Variants in REDIC1 observed in about 807,000 individuals in gnomAD.
The protein encoded by REDIC1 is regulator of DNA class I crossover intermediates 1, also known as HEI10 Interacting Protein 1.
chr12:39,670,665 C>T, the REDIC1 span, among the ~76,000 whole-genome samples: 3 of 151,742 alleles, frequency 2.0e-5, no homozygotes, highest in South Asian at 6.2e-4. Context: ...CTTTTCTTCA[C>T]CTTTCGGGAT....
At chr12:39,700,194 A>T in the REDIC1 span, among the ~76,000 whole-genome samples, 1 of 152,202 alleles carries the variant, frequency 6.6e-6, no homozygotes, top group African/African-American at 2.4e-5. Flanking sequence ...ACTTTGAAAA[A>T]AAACTTAGAA....
At chr12:39,904,729 C>G in the REDIC1 span, among the ~76,000 whole-genome samples, 1 of 152,132 alleles carries the variant, frequency 6.6e-6, no homozygotes, top group Non-Finnish European at 1.5e-5. Flanking sequence ...AACTAGACTA[C>G]AAGCCACAGG....
the REDIC1 span, among the ~76,000 whole-genome samples, chr12:39,901,992 C>G: frequency 6.6e-6 from 1 of 151,998 alleles, no homozygotes; most frequent in Non-Finnish European, 1.5e-5. Flanking sequence ...CACATATACA[C>G]CATGGAATAC....
the REDIC1 span, chr12:39,646,748 T>C: frequency 1.2e-6 from 1 of 820,712 alleles, no homozygotes; most frequent in East Asian, 2.8e-5. Flanking sequence ...TTCTATATGT[T>C]TTGTGTAGAA....
chr12:39,841,868 G>A, the REDIC1 span, among the ~76,000 whole-genome samples: 7 of 152,084 alleles, frequency 4.6e-5, no homozygotes, highest in South Asian at 1.5e-3. Context: ...CAAGTAAGTC[G>A]ACTAGTATTT....
chr12:39,703,565 A>G, the REDIC1 span, among the ~76,000 whole-genome samples: 1 of 152,098 alleles, frequency 6.6e-6, no homozygotes, highest in South Asian at 2.1e-4. Flanking sequence ...GACTTTCTTC[A>G]CAGAATTGGA....
At chr12:39,850,866 T>C in the REDIC1 span, among the ~76,000 whole-genome samples, 1 of 152,062 alleles carries the variant, frequency 6.6e-6, no homozygotes, top group Non-Finnish European at 1.5e-5. Context: ...AAATGAAATA[T>C]CAGGAAGAGC....
the REDIC1 span, among the ~76,000 whole-genome samples, chr12:39,747,214 T>C: frequency 1.3e-5 from 2 of 152,136 alleles, no homozygotes; most frequent in African/African-American, 4.8e-5. Flanking sequence ...GAATAACCAG[T>C]GTAGAGAAGT....
At chr12:39,705,800 G>A in the REDIC1 span, among the ~76,000 whole-genome samples, 1 of 151,818 alleles carries the variant, frequency 6.6e-6, no homozygotes, top group Non-Finnish European at 1.5e-5. Context: ...GAATATAGAA[G>A]GAACATAACT....
At chr12:39,647,850 G>A in the REDIC1 span, 2 of 1,607,182 alleles carry the variant, frequency 1.2e-6, no homozygotes, top group African/African-American at 1.3e-5. Flanking sequence ...ATAGAGAACT[G>A]CAGTTTCACT....
chr12:39,626,770 C>T, the REDIC1 span, among the ~76,000 whole-genome samples: 3 of 152,166 alleles, frequency 2.0e-5, no homozygotes, highest in African/African-American at 7.2e-5. Context: ...AATTGTGAAA[C>T]AGCCCAGTCC....
the REDIC1 span, among the ~76,000 whole-genome samples, chr12:39,696,410 G>T: frequency 2.0e-5 from 3 of 149,588 alleles, no homozygotes; most frequent in Admixed American, 6.6e-5. Context: ...GGGCGTAGTG[G>T]CGGGCGCCTG....
the REDIC1 span, chr12:39,871,759 AATAAAGTTT>A: frequency 6.4e-7 from 1 of 1,552,532 alleles, no homozygotes. Flanking sequence ...GTTATTAGGA[AATAAAGTTT>A]ATAATTGAAT....
the REDIC1 span, among the ~76,000 whole-genome samples, chr12:39,841,252 G>C: frequency 6.6e-6 from 1 of 152,114 alleles, no homozygotes; most frequent in Non-Finnish European, 1.5e-5. Flanking sequence ...CTAGTAGCCA[G>C]AATGGTTTTT....
the REDIC1 span, among the ~76,000 whole-genome samples, chr12:39,710,474 A>G: frequency 6.6e-6 from 1 of 151,802 alleles, no homozygotes; most frequent in African/African-American, 2.4e-5. Context: ...AACTGACTTG[A>G]TTTCATCATC....
At chr12:39,731,058 C>CT in the REDIC1 span, among the ~76,000 whole-genome samples, 5 of 152,204 alleles carry the variant, frequency 3.3e-5, no homozygotes, top group South Asian at 2.1e-4. Flanking sequence ...TTCCTCTAAC[C>CT]TTTTTTCAAG....
At chr12:39,880,744 G>T in the REDIC1 span, among the ~76,000 whole-genome samples, 1 of 152,170 alleles carries the variant, frequency 6.6e-6, no homozygotes. Context: ...CCTCAGAAGT[G>T]AGTTCCCTCA....
the REDIC1 span, among the ~76,000 whole-genome samples, chr12:39,776,157 C>T: frequency 6.6e-6 from 1 of 152,212 alleles, no homozygotes; most frequent in African/African-American, 2.4e-5. Context: ...AGTTATTAGC[C>T]CTTCTCCTGC....
the REDIC1 span, among the ~76,000 whole-genome samples, chr12:39,811,472 T>G: frequency 6.6e-6 from 1 of 152,162 alleles, no homozygotes; most frequent in Admixed American, 6.5e-5. Flanking sequence ...AAGTATTGCT[T>G]TAGCTGTCCC....
Sources: allele counts gnomAD v4.1 joint callset (sites outside exome capture counted in the v4.1 genomes callset), GRCh38; gene constraint gnomAD v4.1.1; transcripts MANE v1.5; gene names NCBI Gene and HGNC (gene_info 2026-07-23, HGNC 2026-07-21).